Variants in NRXN1 observed in about 807,000 individuals in gnomAD.
NRXN1 encodes neurexin-1.
NRXN1 carries 39 observed loss-of-function variants against 150.9 expected under a neutral mutation model. The ratio of observed to expected loss-of-function variants is 0.26; its 90% CI spans 0.20 to 0.34. The LOEUF (loss-of-function observed/expected upper bound fraction) is 0.34. Among genes scored for constraint, NRXN1 ranks in the 10% least tolerant of loss-of-function variants. NRXN1 has a pLI of 1.00. For synonymous variants in NRXN1, 924 were observed against 757.0 expected, an observed-to-expected ratio of 1.22 and a Z score of -3.62; for missense variants, 1,815 against 1,949.9, an observed-to-expected ratio of 0.93 and a Z score of 1.30.
In NRXN1 at chr2:50,497,467, A is replaced by G; in HGVS notation, c.2745T>C (p.Tyr915=). 6.2e-7 allele frequency: 1 copy of G among 1,613,920 alleles called. No individual in the cohort carries two copies. The highest frequency in any genetic ancestry group is 8.5e-7 in the Non-Finnish European group (1 of 1,179,848). ...AGGCTTGCAAGGTAGCTAAGGCAAC[A>G]TAGCTCGATTTGGTCTTGAAGGTGA... The part of the protein sequence containing the change: ...DPVTFKTKSS[Y]VALATLQAYT... Residue 915 remains tyrosine (Y), a synonymous_variant, in exon 14 of 23, where the codon TAT becomes TAC. Coordinates refer to ENST00000401669, the MANE Select transcript of NRXN1 (RefSeq NM_001330078.2).
At chr2:50,966,283 G>C (rs1052855997) in intron 2 of NRXN1, among the ~76,000 whole-genome samples, 2 of 150,748 alleles carry the variant, frequency 1.3e-5, no homozygotes, top group Non-Finnish European at 3.0e-5. Context: ...TAACAGAGCT[G>C]CCCATAAGTC....
intron 17 of NRXN1, among the ~76,000 whole-genome samples, chr2:50,363,938 C>G (rs1406352020): frequency 6.6e-6 from 1 of 152,044 alleles, no homozygotes; most frequent in Non-Finnish European, 1.5e-5. Context: ...ATGTTCTTTG[C>G]AGGGACAGGG....
chr2:50,197,845 A>G (rs1559073856), intron 18 of NRXN1, among the ~76,000 whole-genome samples: 1 of 152,178 alleles, frequency 6.6e-6, no homozygotes, highest in Non-Finnish European at 1.5e-5. Flanking sequence ...GGACTACAAC[A>G]TAAGAGAATG....
chr2:50,375,457 T>C, intron 17 of NRXN1, among the ~76,000 whole-genome samples: 1 of 70,026 alleles, frequency 1.4e-5, no homozygotes, highest in Non-Finnish European at 2.5e-5. Context: ...ACGGCTAGCA[T>C]GCCTCTGAGT....
intron 19 of NRXN1, among the ~76,000 whole-genome samples, chr2:50,057,067 A>G (rs1192478594): frequency 6.6e-6 from 1 of 152,120 alleles, no homozygotes; most frequent in Non-Finnish European, 1.5e-5. Flanking sequence ...GTGATTAATC[A>G]CACCCATTTT....
At chr2:50,052,906 G>C (rs986167604) in intron 21 of NRXN1, among the ~76,000 whole-genome samples, 1 of 152,040 alleles carries the variant, frequency 6.6e-6, no homozygotes, top group Non-Finnish European at 1.5e-5. Flanking sequence ...GAAGTGCTGA[G>C]CTTAAACAGA....
At chr2:50,052,278 G>A (rs934902004) in intron 21 of NRXN1, among the ~76,000 whole-genome samples, 18 of 152,014 alleles carry the variant, frequency 1.2e-4, no homozygotes, top group Non-Finnish European at 2.6e-4. Context: ...CGTGTATTTG[G>A]AAAAGCTTTA....
At chr2:49,976,473 T>C (rs1414171802) in intron 21 of NRXN1, among the ~76,000 whole-genome samples, 2 of 152,188 alleles carry the variant, frequency 1.3e-5, no homozygotes, top group African/African-American at 4.8e-5. Context: ...TTTAAGTCTA[T>C]GGTTTACTTT....
At chr2:50,632,170 A>G (rs531908941) in intron 5 of NRXN1, among the ~76,000 whole-genome samples, 56 of 152,138 alleles carry the variant, frequency 3.7e-4, no homozygotes, top group African/African-American at 1.2e-3. Flanking sequence ...AAGGCAATAT[A>G]TTCTGAGCAA....
At chr2:50,896,039 T>C (rs1681894615) in intron 5 of NRXN1, among the ~76,000 whole-genome samples, 1 of 151,984 alleles carries the variant, frequency 6.6e-6, no homozygotes, top group African/African-American at 2.4e-5. Flanking sequence ...TAAGAAGCAA[T>C]CTAAAAAAGC....
At position 50,762,122 on chromosome 2, in the gene NRXN1, TACACAC is replaced by T. The variant is rs35059030; in HGVS notation, c.833-138513_833-138508del. Among the ~76,000 whole-genome samples the T allele has an allele frequency of 1.7e-3, 250 of 145,916 alleles. 1 individual carries two copies. The highest frequency in any genetic ancestry group is 4.5e-3 in the South Asian group (20 of 4,470). ...AAACTCATATATATATATATGTGTA[TACACAC>T]ACACACACACACACACACACACACA... On this transcript the variant is annotated intron_variant, in intron 5 of 22. Transcript: ENST00000401669.
At chr2:50,542,051 G>T (rs2093401972) in intron 9 of NRXN1, among the ~76,000 whole-genome samples, 1 of 152,126 alleles carries the variant, frequency 6.6e-6, no homozygotes, top group African/African-American at 2.4e-5. Context: ...GGAGACCAAG[G>T]CGGGTGGATC....
intron 2 of NRXN1, among the ~76,000 whole-genome samples, chr2:50,978,131 T>C (rs1175468050): frequency 6.6e-6 from 1 of 150,652 alleles, no homozygotes; most frequent in Non-Finnish European, 1.5e-5. Context: ...AATATATATA[T>C]TCATTTTAAA....
chr2:50,786,833 G>C (rs1705192620), intron 5 of NRXN1, among the ~76,000 whole-genome samples: 2 of 152,182 alleles, frequency 1.3e-5, no homozygotes, highest in South Asian at 2.1e-4. Flanking sequence ...CCTCAAATTA[G>C]CTTAGTCAAT....
chr2:50,976,315 TA>T (rs1349633606), intron 2 of NRXN1, among the ~76,000 whole-genome samples: 1 of 151,944 alleles, frequency 6.6e-6, no homozygotes, highest in Non-Finnish European at 1.5e-5. Flanking sequence ...ATTTTTAATA[TA>T]TTTTTGGAAC....
At chr2:50,585,952 T>C (rs1195141848) in intron 8 of NRXN1, among the ~76,000 whole-genome samples, 1 of 152,192 alleles carries the variant, frequency 6.6e-6, no homozygotes, top group African/African-American at 2.4e-5. Context: ...AACAACCATT[T>C]CAAAAAACCT....
At chr2:50,612,217 A>G (rs1262622653) in intron 8 of NRXN1, among the ~76,000 whole-genome samples, 2 of 149,406 alleles carry the variant, frequency 1.3e-5, no homozygotes, top group Non-Finnish European at 3.0e-5. Context: ...CCAAATAGGG[A>G]TAGTATTTAT....
At chr2:50,416,186 G>GGCATAGTACA (rs1254195296) in intron 17 of NRXN1, among the ~76,000 whole-genome samples, 1 of 152,052 alleles carries the variant, frequency 6.6e-6, no homozygotes, top group Non-Finnish European at 1.5e-5. Context: ...GTACTATGGG[G>GGCATAGTACA]GAAAACAGAG....
At chr2:49,935,381 A>T (rs1001756515) in intron 22 of NRXN1, among the ~76,000 whole-genome samples, 1 of 150,566 alleles carries the variant, frequency 6.6e-6, no homozygotes, top group African/African-American at 2.4e-5. Flanking sequence ...TCTTTCTCCT[A>T]TTTTTTTTTA....
Sources: allele counts gnomAD v4.1 joint callset (sites outside exome capture counted in the v4.1 genomes callset), GRCh38; gene constraint gnomAD v4.1.1; transcripts MANE v1.5; gene names NCBI Gene and HGNC (gene_info 2026-07-23, HGNC 2026-07-21).